CENPP: variants seen among roughly 807,000 people sequenced by gnomAD.
CENPP encodes centromere protein P.
In CENPP, 24 loss-of-function variants were observed where a neutral mutation model predicts 35.6. The ratio of observed to expected loss-of-function variants is 0.67; its 90% CI spans 0.49 to 0.95. The LOEUF is 0.95. Among genes scored for constraint, CENPP ranks in the 40% least tolerant of loss-of-function variants. The probability of loss-of-function intolerance (pLI) is 0.00; values close to 1 mark genes in which losing one functional copy is unlikely to be tolerated. For synonymous variants in CENPP, 120 were observed against 125.5 expected, an observed-to-expected ratio of 0.96 and a Z score of 0.29; for missense variants, 332 against 345.3, an observed-to-expected ratio of 0.96 and a Z score of 0.31.
intron 5 of CENPP, among the ~76,000 whole-genome samples, chr9:92,546,817 A>C (rs1849469555): frequency 6.6e-6 from 1 of 152,252 alleles, no homozygotes; most frequent in Non-Finnish European, 1.5e-5. Context: ...TAAAATTGTC[A>C]CAAGAAGAAT....
intron 5 of CENPP, among the ~76,000 whole-genome samples, chr9:92,446,525 C>CTA (rs1305615589): frequency 4.6e-5 from 7 of 152,164 alleles, no homozygotes; most frequent in Non-Finnish European, 1.0e-4. Flanking sequence ...TGTTGTAGAG[C>CTA]TATAAGGTAA....
chr9:92,485,754 C>T (rs1027010224), intron 5 of CENPP, among the ~76,000 whole-genome samples: 1 of 152,162 alleles, frequency 6.6e-6, no homozygotes, highest in African/African-American at 2.4e-5. Context: ...ATACCTCAAA[C>T]TCCTGGGCTA....
Position 92,565,293 on chromosome 9 carries a change from TAAAAAAAAA to T in CENPP, c.565-45999_565-45991del, listed in dbSNP as rs3078380. ...ACTAACACTATGATAGCTGATGAGC[TAAAAAAAAA>T]AAAAAAAAAAAAAAAAAAAAATCAT... On this transcript the variant is annotated intron_variant, in intron 5 of 7. Transcript: ENST00000375587. Among the ~76,000 whole-genome samples the T allele has an allele frequency of 3.6e-3, 118 of 33,162 alleles. 1 individual carries two copies. Among genetic ancestry groups the T allele is most frequent in the African/African-American group, 0.013 (91 of 7,090 alleles). 21.8% of individuals were successfully genotyped at this position (33,162 alleles called of 152,430 possible).
intron 5 of CENPP, among the ~76,000 whole-genome samples, chr9:92,569,904 G>T (rs1301977672): frequency 6.6e-6 from 1 of 152,018 alleles, no homozygotes; most frequent in African/African-American, 2.4e-5. Flanking sequence ...TGTATAGGAA[G>T]GCCTGTGATT....
intron 5 of CENPP, among the ~76,000 whole-genome samples, chr9:92,521,872 T>A (rs528924425): frequency 1.1e-3 from 170 of 152,306 alleles, no homozygotes; most frequent in African/African-American, 3.8e-3. Context: ...TTGTTATAAA[T>A]GGAAAGGTAG....
At chr9:92,473,430 C>T (rs1425578606) in intron 5 of CENPP, among the ~76,000 whole-genome samples, 2 of 152,182 alleles carry the variant, frequency 1.3e-5, no homozygotes, top group Admixed American at 6.5e-5. Context: ...CATGCACCCA[C>T]TTTGCAAACT....
chr9:92,616,142 A>G lies in CENPP; in HGVS notation c.*2993A>G. On this transcript the variant is annotated 3_prime_UTR_variant, in exon 8 of 8. Transcript: ENST00000375587. The stretch of plus-strand genomic sequence containing the variant: ...CGTTCTCTCTCCCTTTCTTCTTTCA[A>G]CTAGTATGTTTTTATGTTTTTTCTT... The G allele has an allele frequency of 1.1e-6, 1 of 897,286 alleles. No homozygotes were observed. 55.6% of individuals were successfully genotyped at this position (897,286 alleles called of 1,614,324 possible).
intron 1 of CENPP, among the ~76,000 whole-genome samples, chr9:92,328,634 T>C (rs1388791144): frequency 6.6e-6 from 1 of 152,196 alleles, no homozygotes; most frequent in Non-Finnish European, 1.5e-5. Context: ...CGTGTACAGA[T>C]TGATTTTAAA....
chr9:92,327,773 A>G (rs577138465), intron 1 of CENPP, among the ~76,000 whole-genome samples: 1 of 152,324 alleles, frequency 6.6e-6, no homozygotes, highest in East Asian at 1.9e-4. Flanking sequence ...CAATTATTTC[A>G]ATATTGCTTA....
chr9:92,368,123 G>A (rs1044467768), intron 4 of CENPP, among the ~76,000 whole-genome samples: 5 of 152,064 alleles, frequency 3.3e-5, no homozygotes, highest in Non-Finnish European at 7.4e-5. Context: ...TTGCTTATTG[G>A]TATCATAAAT....
chr9:92,493,514 G>A (rs916676332), intron 5 of CENPP: 1 of 151,972 alleles, frequency 6.6e-6, no homozygotes, highest in African/African-American at 2.4e-5. Flanking sequence ...ACTGTTCCTT[G>A]TATATATATA....
At chr9:92,544,023 A>C (rs1259675793) in intron 5 of CENPP, among the ~76,000 whole-genome samples, 1 of 152,056 alleles carries the variant, frequency 6.6e-6, no homozygotes, top group African/African-American at 2.4e-5. Flanking sequence ...GATATTTTTT[A>C]TTTCTTTCTC....
chr9:92,571,419 G>A (rs1267341773), intron 5 of CENPP, among the ~76,000 whole-genome samples: 3 of 152,108 alleles, frequency 2.0e-5, no homozygotes, highest in Non-Finnish European at 2.9e-5. Flanking sequence ...CTGAGTTCTA[G>A]TTTGATTGCA....
rs535757990 is a variant in CENPP, at chr9:92,601,426, C to T, written c.565-9888C>T. On this transcript the variant is annotated intron_variant, in intron 5 of 7. Transcript: ENST00000375587. ...CAAAGGGAGCTTCTGGTGCTGCCGG[C>T]GGTTAGTTGTTACTTCAAATGATTG... 3.9e-5 allele frequency among the ~76,000 whole-genome samples: 6 copies of T among 152,228 alleles called. No individual in the cohort carries two copies. In the South Asian group the frequency reaches 6.2e-4, roughly 16 times the overall value.
intron 5 of CENPP, among the ~76,000 whole-genome samples, chr9:92,607,723 A>G (rs762387312): frequency 3.9e-5 from 6 of 152,224 alleles, no homozygotes; most frequent in Non-Finnish European, 7.3e-5. Flanking sequence ...AGTGGGAGAC[A>G]TAGCATTCCT....
At chr9:92,360,954 G>C (rs1229392551) in intron 4 of CENPP, among the ~76,000 whole-genome samples, 2 of 151,838 alleles carry the variant, frequency 1.3e-5, no homozygotes, top group Non-Finnish European at 2.9e-5. Context: ...TGATCCGCCC[G>C]CCTCGGCCTC....
rs1056325658 is a variant in CENPP, at chr9:92,476,912, C to T, written c.564+97053C>T. On this transcript the variant is annotated intron_variant, in intron 5 of 7. Transcript: ENST00000375587. The surrounding 1 kb of genome is among the most constrained non-coding windows in gnomAD (Gnocchi z 4.1). ...GTTTTATCCAGAAATCTCGTGGCTT[C>T]ATGGGCATACTCTGTCATTTTTTCT... Among the ~76,000 whole-genome samples, 1 of 152,176 alleles carries T rather than the reference C, an allele frequency of 6.6e-6. No homozygotes were observed. The highest frequency in any genetic ancestry group is 1.5e-5 in the Non-Finnish European group (1 of 68,036).
chr9:92,495,857 A>G, intron 5 of CENPP: 1 of 976,238 alleles, frequency 1.0e-6, no homozygotes, highest in South Asian at 4.7e-5. Context: ...AAATTAACAA[A>G]TTATTGTTTT....
chr9:92,416,015 AATAT>A (rs1338581836), intron 5 of CENPP, among the ~76,000 whole-genome samples: 2 of 143,648 alleles, frequency 1.4e-5, no homozygotes, highest in East Asian at 4.0e-4. Flanking sequence ...TATAAAAGAG[AATAT>A]ATATTTTTTA....
Sources: gnomAD v4.1 joint callset for allele counts (sites outside exome capture counted in the v4.1 genomes callset) on GRCh38, gnomAD v4.1.1 for gene constraint, Gnocchi (gnomAD v3.1) non-coding constraint, MANE v1.5 for transcripts, NCBI Gene and HGNC (gene_info 2026-07-23, HGNC 2026-07-21) for gene names.